Variants in NXPE2 observed in about 807,000 individuals in gnomAD.
NXPE2 encodes the protein NXPE family member 2.
NXPE2 carries 34 observed loss-of-function variants against 34.4 expected under a neutral mutation model. The ratio of observed to expected loss-of-function variants is 0.99; its 90% CI spans 0.75 to 1.31. NXPE2 has a LOEUF of 1.31. Among genes scored for constraint, NXPE2 ranks in the 40% most tolerant of loss-of-function variants. The pLI is 0.00. For synonymous variants in NXPE2, 235 were observed against 231.3 expected (o/e 1.02, Z -0.15); for missense variants, 649 against 672.5 (o/e 0.97, Z 0.39).
At chr11:114,645,086 G>C in the NXPE2 span, among the ~76,000 whole-genome samples, 1 of 151,784 alleles carries the variant, frequency 6.6e-6, no homozygotes, top group South Asian at 2.1e-4. Context: ...CGGATTCCTT[G>C]AGGTCAGGAG....
chr11:114,553,544 T>C, the NXPE2 span: 1 of 204,014 alleles, frequency 4.9e-6, no homozygotes, highest in Admixed American at 6.5e-5. Flanking sequence ...CCCCATCCTC[T>C]ATACCATGCT....
At chr11:114,508,380 C>A in the NXPE2 span, among the ~76,000 whole-genome samples, 1 of 152,072 alleles carries the variant, frequency 6.6e-6, no homozygotes, top group Non-Finnish European at 1.5e-5. Context: ...CTTCACAGAA[C>A]TAGAAAAAAC....
the NXPE2 span, among the ~76,000 whole-genome samples, chr11:114,517,447 T>G: frequency 5.3e-5 from 8 of 152,200 alleles, no homozygotes; most frequent in Admixed American, 4.6e-4. Flanking sequence ...ATTTTGATTC[T>G]TCCTTCTCTC....
the NXPE2 span, among the ~76,000 whole-genome samples, chr11:114,801,603 G>C: frequency 1.3e-5 from 2 of 152,182 alleles, no homozygotes; most frequent in African/African-American, 4.8e-5. Flanking sequence ...TATGTTATAG[G>C]TTGTCAAGAG....
chr11:114,804,902 G>A, the NXPE2 span, among the ~76,000 whole-genome samples: 1 of 152,306 alleles, frequency 6.6e-6, no homozygotes, highest in South Asian at 2.1e-4. Context: ...CTACTATCCA[G>A]ATCCTATGGA....
the NXPE2 span, among the ~76,000 whole-genome samples, chr11:114,761,413 C>A: frequency 6.6e-6 from 1 of 152,278 alleles, no homozygotes; most frequent in East Asian, 1.9e-4. Flanking sequence ...CAGGGCACCC[C>A]ACGATTCAGT....
chr11:114,589,891 A>G, the NXPE2 span, among the ~76,000 whole-genome samples: 2 of 152,230 alleles, frequency 1.3e-5, no homozygotes, highest in Non-Finnish European at 2.9e-5. Flanking sequence ...TAATGAGGCC[A>G]TAGTCTCAAT....
the NXPE2 span, chr11:114,528,719 G>A: frequency 1.9e-6 from 1 of 537,174 alleles, no homozygotes; most frequent in South Asian, 2.7e-5. Context: ...ATATGGCCAT[G>A]AAAGTGGAGG....
At chr11:114,503,575 G>C in the NXPE2 span, among the ~76,000 whole-genome samples, 2 of 151,212 alleles carry the variant, frequency 1.3e-5, no homozygotes, top group African/African-American at 4.9e-5. Context: ...AGTGCCAAAA[G>C]ATATGTCAAG....
At chr11:114,604,190 T>C in the NXPE2 span, among the ~76,000 whole-genome samples, 4 of 152,206 alleles carry the variant, frequency 2.6e-5, no homozygotes, top group African/African-American at 9.6e-5. Flanking sequence ...TGTTACCTGG[T>C]GGATAATAAG....
chr11:114,748,106 T>A, the NXPE2 span, among the ~76,000 whole-genome samples: 1 of 152,354 alleles, frequency 6.6e-6, no homozygotes, highest in East Asian at 1.9e-4. Flanking sequence ...TCTTTCTTTT[T>A]GATCCACTCA....
the NXPE2 span, among the ~76,000 whole-genome samples, chr11:114,620,096 C>A: frequency 6.6e-6 from 1 of 152,028 alleles, no homozygotes; most frequent in Non-Finnish European, 1.5e-5. Flanking sequence ...TCTTGGGTAA[C>A]CACTGTTACC....
the NXPE2 span, among the ~76,000 whole-genome samples, chr11:114,712,221 A>G: frequency 1.3e-5 from 2 of 152,170 alleles, no homozygotes; most frequent in Non-Finnish European, 2.9e-5. Context: ...AAGGGAAAGG[A>G]TTTAGGACAG....
upstream of NXPE2, among the ~76,000 whole-genome samples, chr11:114,677,508 G>A (rs1950871867): frequency 6.6e-6 from 1 of 152,038 alleles, no homozygotes; most frequent in Admixed American, 6.6e-5. Flanking sequence ...TGTCTTATAA[G>A]GAGTGGGGAA....
chr11:114,633,289 A>T, the NXPE2 span, among the ~76,000 whole-genome samples: 1 of 137,740 alleles, frequency 7.3e-6, no homozygotes, highest in Admixed American at 7.6e-5. Context: ...TTATATTATA[A>T]AATTCTAATG....
At chr11:114,540,837 CTTTTTTTTTTTTTTTTTTTTTTTTTTTT>C in the NXPE2 span, among the ~76,000 whole-genome samples, 71 of 47,466 alleles carry the variant, frequency 1.5e-3, no homozygotes, top group South Asian at 0.018. Context: ...AGAAAGCCAT[CTTTTTTTTTTTTTTTTTTTTTTTTTTTT>C]TTTTTTTTTT....
chr11:114,750,840 C>T, the NXPE2 span, among the ~76,000 whole-genome samples: 2 of 152,224 alleles, frequency 1.3e-5, no homozygotes, highest in Non-Finnish European at 2.9e-5. Flanking sequence ...GCTTTTTACA[C>T]AGACTCCCAA....
the NXPE2 span, among the ~76,000 whole-genome samples, chr11:114,792,717 G>A: frequency 6.6e-6 from 1 of 151,934 alleles, no homozygotes; most frequent in Non-Finnish European, 1.5e-5. Context: ...CTAACTTGAT[G>A]CTTCCCCCAT....
At chr11:114,634,732 A>G in the NXPE2 span, among the ~76,000 whole-genome samples, 4 of 151,988 alleles carry the variant, frequency 2.6e-5, no homozygotes, top group Non-Finnish European at 5.9e-5. Context: ...TACTTTCCCC[A>G]TTGCTTGTTT....
Sources: gnomAD v4.1 joint callset for allele counts (sites outside exome capture counted in the v4.1 genomes callset) on GRCh38, gnomAD v4.1.1 for gene constraint, MANE v1.5 for transcripts, NCBI Gene and HGNC (gene_info 2026-07-23, HGNC 2026-07-21) for gene names.